Variants in IQCE observed in about 807,000 individuals in gnomAD.
IQCE encodes IQ domain-containing protein E.
IQCE carries 115 observed loss-of-function variants against 96.0 expected under a neutral mutation model. The ratio of observed to expected loss-of-function variants is 1.20; its 90% CI spans 1.03 to 1.40. The LOEUF is 1.40. IQCE is among the 40% of genes most tolerant of loss of function. The probability of loss-of-function intolerance (pLI) is 0.00; values close to 1 mark genes in which losing one functional copy is unlikely to be tolerated. For missense variants in IQCE, 1,041 were observed against 909.1 expected, an observed-to-expected ratio of 1.15 and a Z score of -1.87; for synonymous variants, 412 against 371.2, an observed-to-expected ratio of 1.11 and a Z score of -1.26.
intron 20 of IQCE, 48 bp downstream of exon 20, chr7:2,606,045 C>G (rs755777330): frequency 6.4e-7 from 1 of 1,562,228 alleles, no homozygotes. Context: ...GCACGAGAGG[C>G]TGCCCACCGC....
At chr7:2,576,418 TTTC>T (rs1423836819) in intron 6 of IQCE, among the ~76,000 whole-genome samples, 2 of 152,172 alleles carry the variant, frequency 1.3e-5, no homozygotes, top group African/African-American at 4.8e-5. Flanking sequence ...AGTCTTTTTT[TTTC>T]TTTTTTTTTG....
chr7:2,587,980 T>C lies in IQCE; in HGVS notation c.1044+103T>C, dbSNP rs115628175. 2,525 of 1,102,880 alleles carry C rather than the reference T, an allele frequency of 2.3e-3. 34 individuals carry two copies. The African/African-American group carries it at 0.033, about 15-fold the overall frequency. The allele number at this position is 1,102,880 out of a possible 1,614,324, so 68.3% of individuals were successfully genotyped here. A position where few individuals can be genotyped will look rare whatever the true frequency, so the allele number is the denominator to read the frequency against. On this transcript the variant is annotated intron_variant, in intron 13 of 21. Coordinates refer to ENST00000402050, the MANE Select transcript of IQCE (RefSeq NM_152558.5). ...AGGTGGCGCTGAGCATGGCACTGGC[T>C]GTCTGCCAGGCAGCGCCACACACAG...
intron 14 of IQCE, among the ~76,000 whole-genome samples, chr7:2,591,585 C>A (rs1783589568): frequency 6.6e-6 from 1 of 151,018 alleles, no homozygotes; most frequent in South Asian, 2.1e-4. Context: ...CCTTCGGAAT[C>A]ATACTCTGCT....
In IQCE at chr7:2,559,126, C is replaced by A. The variant is rs911946633; in HGVS notation, c.-56C>A. On this transcript the variant is annotated 5_prime_UTR_variant, in exon 1 of 22. Coordinates refer to ENST00000402050, the MANE Select transcript of IQCE (RefSeq NM_152558.5). ...GCGGCCAGGGCTGCCCGCGGATTCC[C>A]AGACCCGGACGCCCGAGCCAGCAAC... 3.2e-5 allele frequency: 38 copies of A among 1,171,192 alleles called. No homozygotes were observed. The highest frequency in any genetic ancestry group is 4.0e-5 in the Non-Finnish European group (38 of 938,434). 72.5% of individuals were successfully genotyped at this position (1,171,192 alleles called of 1,614,324 possible). A position where few individuals can be genotyped will look rare whatever the true frequency, so the allele number is the denominator to read the frequency against.
rs189442063 is a variant in IQCE at position 2,568,551 on chromosome 7, C to T, written c.85-403C>T. On this transcript the variant is annotated intron_variant, in intron 2 of 21. Coordinates refer to ENST00000402050, the MANE Select transcript of IQCE (RefSeq NM_152558.5). ...TTGCTCGGCTTTCTTCCATAGTGGG[C>T]TTTGCAGTTGACTTATGTGCAGGGA... Among the ~76,000 whole-genome samples, 498 of 152,300 alleles carry T rather than the reference C, an allele frequency of 3.3e-3. 4 individuals carry two copies. Among genetic ancestry groups the T allele is most frequent in the African/African-American group, 0.011 (478 of 41,566 alleles).
intron 5 of IQCE, 52 bp downstream of exon 5, chr7:2,572,378 A>G (rs1345871359): frequency 6.3e-7 from 1 of 1,583,934 alleles, no homozygotes; most frequent in African/African-American, 1.3e-5. Flanking sequence ...CAGAAAGGAA[A>G]GGACAGTCTC....
intron 13 of IQCE, among the ~76,000 whole-genome samples, chr7:2,588,429 C>T (rs192935573): frequency 3.3e-5 from 5 of 151,510 alleles, no homozygotes; most frequent in East Asian, 1.9e-4. Context: ...TCTCAGGTCA[C>T]GGCAACCTCC....
intron 21 of IQCE, 123 bp downstream of exon 21, chr7:2,607,350 G>C (rs1208743318): frequency 1.4e-6 from 2 of 1,458,996 alleles, no homozygotes; most frequent in African/African-American, 1.4e-5. Context: ...GTCCCATCTG[G>C]AGCTGCCTCT....
Position 2,567,103 on chromosome 7 carries a change from T to A in IQCE, c.37-13T>A, listed in dbSNP as rs1417530072. On this transcript the variant is annotated splice_polypyrimidine_tract_variant and intron_variant, in intron 1 of 21. Transcript: ENST00000402050. ...GTGCCGTCGAGTTACAGTGTTTGCC[T>A]CTCTTCCTCCAGGGAGATGACAGTC... 6.2e-7 allele frequency: 1 copy of A among 1,613,244 alleles called. No individual in the cohort carries two copies. Among genetic ancestry groups the A allele is most frequent in the East Asian group, 2.2e-5 (1 of 44,874 alleles).
In IQCE at chr7:2,613,465, G is replaced by C. The variant is rs1479282144; in HGVS notation, c.*3303G>C. The C allele has an allele frequency of 6.6e-6, 1 of 152,242 alleles. No individual in the cohort carries two copies. The highest frequency in any genetic ancestry group is 6.5e-5 in the Admixed American group (1 of 15,288). The allele number at this position is 152,242 out of a possible 1,614,324, so 9.4% of individuals were successfully genotyped here. On this transcript the variant is annotated 3_prime_UTR_variant, in exon 22 of 22. Coordinates refer to ENST00000402050, the MANE Select transcript of IQCE (RefSeq NM_152558.5). ...TTGTAGGACGCTGTCTCCCCAGCGT[G>C]TCCTGCTCATCCAGGATGGGGAGAA...
At chr7:2,570,682 GT>G (rs1272950192) in intron 3 of IQCE, among the ~76,000 whole-genome samples, 2 of 152,048 alleles carry the variant, frequency 1.3e-5, no homozygotes, top group African/African-American at 4.8e-5. Flanking sequence ...GAGTGCCTTA[GT>G]TTTTGCATAC....
In IQCE at chr7:2,601,465, G is replaced by A. The variant is rs760595912; in HGVS notation, c.1632+1G>A. 1.3e-6 allele frequency: 2 copies of A among 1,583,298 alleles called. No homozygotes were observed. Among genetic ancestry groups the A allele is most frequent in the Non-Finnish European group, 1.7e-6 (2 of 1,154,002 alleles). ...GAAAAAAAAGGCTGTTCTGGATGAGGTAAGCGAGGTTTATTTCTTGTTTCA... is the reference window on the plus strand; with the variant it reads ...GAAAAAAAAGGCTGTTCTGGATGAGATAAGCGAGGTTTATTTCTTGTTTCA... On this transcript the variant is annotated splice_donor_variant, in intron 18 of 21. Transcript: ENST00000402050. LOFTEE classifies it high-confidence loss of function.
chr7:2,572,448 C>G (rs1359936233), intron 5 of IQCE, 122 bp downstream of exon 5: 1 of 1,135,200 alleles, frequency 8.8e-7, no homozygotes, highest in Non-Finnish European at 1.2e-6. Context: ...AGCTCCGTCA[C>G]TGGGAGGTTT....
At chr7:2,571,468 G>T in intron 3 of IQCE, 58 bp from the exon 4 acceptor site, 3 of 1,597,750 alleles carry the variant, frequency 1.9e-6, no homozygotes, top group Non-Finnish European at 2.5e-6. Context: ...TGAAGTTCAT[G>T]TGTTGAGCTC....
chr7:2,576,701 G>A lies in IQCE; in HGVS notation c.466-1541G>A, dbSNP rs867578066. Among the ~76,000 whole-genome samples the A allele has an allele frequency of 2.6e-5, 4 of 152,134 alleles. No homozygotes were observed. In the South Asian group the frequency reaches 8.3e-4, roughly 32 times the overall value. On this transcript the variant is annotated intron_variant, in intron 6 of 21. Transcript: ENST00000402050. Reference sequence around the variant, plus strand: ...GGGGTAAGCCACCGTGCCCGGCCCCGACTACACAGTCTTTTTTGTCCCCAC... The same window carrying A: ...GGGGTAAGCCACCGTGCCCGGCCCCAACTACACAGTCTTTTTTGTCCCCAC...
In IQCE at chr7:2,586,215, G is replaced by A; in HGVS notation, c.832G>A (p.Gly278Arg). The A allele has an allele frequency of 6.2e-7, 1 of 1,613,506 alleles. No individual in the cohort carries two copies. The highest frequency in any genetic ancestry group is 8.5e-7 in the Non-Finnish European group (1 of 1,179,812). Residue 278 changes from glycine (G) to arginine (R), a missense_variant, in exon 12 of 22, where the codon GGG (glycine) becomes AGG (arginine). Coordinates refer to ENST00000402050, the MANE Select transcript of IQCE (RefSeq NM_152558.5). ...SSETTGKKPL[G>R]EKKTGAKRQK... ...ACGATTTGGTTGTTCCAGGCCCCTG[G>A]GGGAGAAGAAGACGGGCGCCAAAAG...
chr7:2,601,356 C>T, intron 17 of IQCE, 85 bp from the exon 18 acceptor site: 1 of 935,544 alleles, frequency 1.1e-6, no homozygotes, highest in Admixed American at 2.1e-5. Flanking sequence ...TTGATGGACA[C>T]CTGTTGGCAA....
rs1784682051 is a variant in IQCE at position 2,604,906 on chromosome 7, T to G, written c.1658T>G (p.Phe553Cys). 6.2e-7 allele frequency: 1 copy of G among 1,613,646 alleles called. No homozygotes were observed. Among genetic ancestry groups the G allele is most frequent in the Non-Finnish European group, 8.5e-7 (1 of 1,179,958 alleles). The change falls in exon 19 of 22, where the codon TTC becomes TGC. Residue 553 changes from phenylalanine to cysteine, a missense_variant. Physicochemically the swap from Phe to Cys is radical, Grantham distance 205. Transcript: ENST00000402050. ...DEAAVVLQAA[F>C]RGHLTRTKLL... Reference sequence around the variant, plus strand: ...GCGGCTGTGGTGCTTCAGGCAGCTTTCAGGGGACATCTCACGCGGACAAAG... The same window carrying G: ...GCGGCTGTGGTGCTTCAGGCAGCTTGCAGGGGACATCTCACGCGGACAAAG...
intron 3 of IQCE, among the ~76,000 whole-genome samples, chr7:2,570,489 T>C (rs1275719009): frequency 6.6e-6 from 1 of 151,940 alleles, no homozygotes; most frequent in Non-Finnish European, 1.5e-5. Context: ...CCCGGGTAAG[T>C]GAAGATGCAG....
Sources: gnomAD v4.1 joint callset for allele counts (sites outside exome capture counted in the v4.1 genomes callset) on GRCh38, gnomAD v4.1.1 for gene constraint, MANE v1.5 for transcripts, NCBI Gene and HGNC (gene_info 2026-07-23, HGNC 2026-07-21) for gene names.